Variants in SLC24A3 observed in about 807,000 individuals in gnomAD.
SLC24A3 encodes the protein solute carrier family 24 member 3.
In SLC24A3, 28 loss-of-function variants were observed where a neutral mutation model predicts 75.8. The observed-to-expected ratio is 0.37, with a 90% CI of 0.27 to 0.51. The LOEUF is 0.51. SLC24A3 is among the 20% of genes least tolerant of loss of function. SLC24A3 has a pLI of 0.94. For synonymous variants in SLC24A3, 372 were observed against 334.1 expected, an observed-to-expected ratio of 1.11 and a Z score of -1.24; for missense variants, 663 against 847.8, an observed-to-expected ratio of 0.78 and a Z score of 2.71.
chr20:19,616,342 G>T (rs1023191605), intron 6 of SLC24A3, among the ~76,000 whole-genome samples: 28 of 152,364 alleles, frequency 1.8e-4, no homozygotes, highest in Non-Finnish European at 1.9e-4. Flanking sequence ...CTGGACAGCA[G>T]ATCCTTCCTT....
chr20:19,399,681 G>C (rs1986516505), intron 2 of SLC24A3, among the ~76,000 whole-genome samples: 1 of 152,082 alleles, frequency 6.6e-6, no homozygotes, highest in South Asian at 2.1e-4. Flanking sequence ...GGTTTGTTTT[G>C]ACAGCTGTTC....
At chr20:19,218,977 A>G (rs1003917736) in intron 1 of SLC24A3, among the ~76,000 whole-genome samples, 1 of 149,112 alleles carries the variant, frequency 6.7e-6, no homozygotes, top group Non-Finnish European at 1.5e-5. Context: ...GGTAATTTGG[A>G]TTTTTTTTTT....
intron 3 of SLC24A3, among the ~76,000 whole-genome samples, chr20:19,556,009 G>C (rs2030777295): frequency 6.6e-6 from 1 of 152,146 alleles, no homozygotes; most frequent in South Asian, 2.1e-4. Context: ...TTGGTGTCTG[G>C]TAAGGCCTTT....
intron 3 of SLC24A3, among the ~76,000 whole-genome samples, chr20:19,548,678 A>G (rs1255420832): frequency 6.6e-6 from 1 of 152,228 alleles, no homozygotes; most frequent in African/African-American, 2.4e-5. Context: ...GAAAGAGTCC[A>G]GCCTCTTTTG....
chr20:19,290,885 A>G (rs1026015326), intron 2 of SLC24A3, among the ~76,000 whole-genome samples: 1 of 152,170 alleles, frequency 6.6e-6, no homozygotes, highest in African/African-American at 2.4e-5. Flanking sequence ...ACTACTCCCA[A>G]GCCCTGTGAA....
intron 12 of SLC24A3, among the ~76,000 whole-genome samples, chr20:19,687,959 C>A (rs897907736): frequency 5.9e-5 from 9 of 152,158 alleles, no homozygotes; most frequent in African/African-American, 2.2e-4. Context: ...GATGCTTCAC[C>A]TGAGGCTCAG....
chr20:19,457,572 G>A (rs1182110121), intron 2 of SLC24A3, among the ~76,000 whole-genome samples: 1 of 152,188 alleles, frequency 6.6e-6, no homozygotes, highest in Non-Finnish European at 1.5e-5. Flanking sequence ...CACTAGCTGG[G>A]AATATTTGAG....
chr20:19,483,911 T>A (rs909620375), intron 2 of SLC24A3, among the ~76,000 whole-genome samples: 25 of 152,162 alleles, frequency 1.6e-4, no homozygotes, highest in African/African-American at 5.8e-4. Flanking sequence ...GTCTGGCTGG[T>A]GTTTAACGGT....
chr20:19,569,101 A>T (rs1187707842), intron 3 of SLC24A3, among the ~76,000 whole-genome samples: 1 of 152,148 alleles, frequency 6.6e-6, no homozygotes, highest in Admixed American at 6.5e-5. Context: ...CCCTTGTGGG[A>T]GGTCAGACCT....
chr20:19,651,800 G>A (rs573712741), intron 6 of SLC24A3, among the ~76,000 whole-genome samples: 1 of 149,982 alleles, frequency 6.7e-6, no homozygotes, highest in East Asian at 2.0e-4. Context: ...GGCAGAGCTT[G>A]CAGTGAGCCA....
intron 2 of SLC24A3, among the ~76,000 whole-genome samples, chr20:19,433,021 A>G (rs1568616544): frequency 1.3e-5 from 2 of 152,236 alleles, no homozygotes; most frequent in African/African-American, 4.8e-5. Context: ...CAATAACATT[A>G]GAAGGACTAT....
At chr20:19,413,915 T>C (rs1401760031) in intron 2 of SLC24A3, among the ~76,000 whole-genome samples, 1 of 152,094 alleles carries the variant, frequency 6.6e-6, no homozygotes, top group Non-Finnish European at 1.5e-5. Context: ...GAAACCAATA[T>C]GTTGGAGAAA....
At chr20:19,292,182 G>A (rs570384497) in intron 2 of SLC24A3, among the ~76,000 whole-genome samples, 2 of 152,296 alleles carry the variant, frequency 1.3e-5, no homozygotes, top group African/African-American at 2.4e-5. Flanking sequence ...GGAACAAAGC[G>A]TGTCAAGTCT....
intron 6 of SLC24A3, among the ~76,000 whole-genome samples, chr20:19,635,944 T>C (rs917531161): frequency 6.6e-6 from 1 of 152,052 alleles, no homozygotes; most frequent in Non-Finnish European, 1.5e-5. Context: ...ATCGAGACCA[T>C]CCTGGCTAAC....
intron 8 of SLC24A3, among the ~76,000 whole-genome samples, chr20:19,670,877 A>C (rs923107258): frequency 1.3e-5 from 2 of 152,242 alleles, no homozygotes; most frequent in Admixed American, 6.5e-5. Flanking sequence ...AGTGGGCAAG[A>C]CCTGGGGGTG....
intron 1 of SLC24A3, among the ~76,000 whole-genome samples, chr20:19,219,217 G>T (rs1467657371): frequency 1.3e-5 from 2 of 152,046 alleles, no homozygotes; most frequent in Admixed American, 1.3e-4. Context: ...GAGAGGCAAT[G>T]CTCCTTGCTG....
At chr20:19,711,656 T>G (rs1201759725) in intron 15 of SLC24A3, among the ~76,000 whole-genome samples, 1 of 152,186 alleles carries the variant, frequency 6.6e-6, no homozygotes, top group African/African-American at 2.4e-5. Flanking sequence ...CTTTTTTTTT[T>G]TTCGACAAGA....
At chr20:19,374,863 C>T (rs1336371424) in intron 2 of SLC24A3, among the ~76,000 whole-genome samples, 1 of 152,134 alleles carries the variant, frequency 6.6e-6, no homozygotes, top group African/African-American at 2.4e-5. Context: ...TTATGGTAGA[C>T]CAGAAGTCAG....
At chr20:19,674,121 C>G (rs1394428268) in intron 9 of SLC24A3, among the ~76,000 whole-genome samples, 1 of 152,130 alleles carries the variant, frequency 6.6e-6, no homozygotes, top group African/African-American at 2.4e-5. Flanking sequence ...TAGGGTAGGA[C>G]CTTCATCAAA....
Sources: allele counts gnomAD v4.1 joint callset (sites outside exome capture counted in the v4.1 genomes callset), GRCh38; gene constraint gnomAD v4.1.1; transcripts MANE v1.5; gene names NCBI Gene and HGNC (gene_info 2026-07-23, HGNC 2026-07-21).